ESR1: variants seen among roughly 807,000 people sequenced by gnomAD.
ESR1 encodes estrogen receptor 1.
A neutral mutation model predicts 52.7 loss-of-function variants in ESR1; 12 were observed. The observed-to-expected ratio is 0.23, with a 90% CI of 0.15 to 0.37. The LOEUF (loss-of-function observed/expected upper bound fraction) is 0.37. Ranked by LOEUF, ESR1 falls within the 10% of genes least tolerant of loss-of-function variation. ESR1 has a pLI of 1.00. For synonymous variants in ESR1, 305 were observed against 316.8 expected (o/e 0.96, Z 0.39); for missense variants, 584 against 779.7 (o/e 0.75, Z 2.99).
chr6:151,666,810 A>G (rs1162291641), intron 1 of ESR1, among the ~76,000 whole-genome samples: 3 of 148,450 alleles, frequency 2.0e-5, no homozygotes, highest in South Asian at 2.1e-4. Context: ...CACATGTTGG[A>G]GGACGAAGGT....
At chr6:151,682,868 A>G (rs1338717466) in intron 1 of ESR1, among the ~76,000 whole-genome samples, 1 of 152,264 alleles carries the variant, frequency 6.6e-6, no homozygotes, top group Non-Finnish European at 1.5e-5. Context: ...GAATGGGGTA[A>G]GAAAACCAGG....
intron 2 of ESR1, among the ~76,000 whole-genome samples, chr6:151,795,528 T>C (rs1776613449): frequency 1.3e-5 from 2 of 151,424 alleles, no homozygotes; most frequent in South Asian, 4.2e-4. Flanking sequence ...ATAGATTACT[T>C]GGCCTCAATC....
intron 4 of ESR1, among the ~76,000 whole-genome samples, chr6:151,947,088 C>T (rs577143810): frequency 1.2e-4 from 18 of 152,092 alleles, no homozygotes; most frequent in Admixed American, 2.6e-4. Context: ...GAGGCCGAGG[C>T]GGGTGGATCA....
intron 1 of ESR1, among the ~76,000 whole-genome samples, chr6:151,683,008 A>G (rs976942001): frequency 3.9e-5 from 6 of 152,198 alleles, no homozygotes; most frequent in Non-Finnish European, 7.3e-5. Flanking sequence ...TCATATTACT[A>G]TCCGGGTGAA....
chr6:151,880,838 A>G (rs1792781502), intron 3 of ESR1, 67 bp downstream of exon 3: 5 of 823,296 alleles, frequency 6.1e-6, no homozygotes, highest in Admixed American at 5.1e-5. Context: ...GGCTCTACCC[A>G]TTGGAATAAC....
intron 1 of ESR1, among the ~76,000 whole-genome samples, chr6:151,657,122 A>G (rs1777481468): frequency 6.6e-6 from 1 of 152,090 alleles, no homozygotes; most frequent in Non-Finnish European, 1.5e-5. Context: ...TGTTTGTTTT[A>G]GTTTTTTCTC....
At chr6:151,682,226 G>A (rs1446922649) in intron 1 of ESR1, among the ~76,000 whole-genome samples, 1 of 152,104 alleles carries the variant, frequency 6.6e-6, no homozygotes, top group Non-Finnish European at 1.5e-5. Context: ...TATTTCCTTT[G>A]CTTTCCTATA....
chr6:151,963,761 G>A (rs2037937799), intron 4 of ESR1, among the ~76,000 whole-genome samples: 1 of 152,146 alleles, frequency 6.6e-6, no homozygotes, highest in South Asian at 2.1e-4. Flanking sequence ...CCAGATCAAT[G>A]TCATGGAGCA....
rs180908630 is a variant in ESR1 at position 152,128,342 on chromosome 6, C to T, written c.*2994C>T. 13 of 152,270 alleles carry T rather than the reference C, an allele frequency of 8.5e-5. No homozygotes were observed. In the East Asian group the frequency reaches 1.7e-3, roughly 20 times the overall value. 9.4% of individuals were successfully genotyped at this position (152,270 alleles called of 1,614,324 possible). A position where few individuals can be genotyped will look rare whatever the true frequency, so the allele number is the denominator to read the frequency against. ...AGAAGTTCTAGGGAGCTCCCTGTAA[C>T]GATTTAGGGAATCTCTAGATTCTGA... is the stretch of plus-strand genomic sequence containing the variant. On this transcript the variant is annotated 3_prime_UTR_variant, in exon 7 of 7. Coordinates refer to the ESR1 transcript ENST00000427531.
chr6:151,686,244 A>AT (rs936950671), upstream of ESR1, among the ~76,000 whole-genome samples: 4 of 152,074 alleles, frequency 2.6e-5, no homozygotes, highest in Non-Finnish European at 5.9e-5. Flanking sequence ...TTTTATCCCT[A>AT]TAAGCTTGAA....
At chr6:152,013,735 T>C (rs948383368) in intron 5 of ESR1, among the ~76,000 whole-genome samples, 1 of 152,154 alleles carries the variant, frequency 6.6e-6, no homozygotes, top group Non-Finnish European at 1.5e-5. Context: ...TTTTCTTTCC[T>C]CTCTCACAGA....
At chr6:151,732,139 G>T (rs1782293196) in intron 2 of ESR1, among the ~76,000 whole-genome samples, 1 of 152,136 alleles carries the variant, frequency 6.6e-6, no homozygotes, top group African/African-American at 2.4e-5. Flanking sequence ...TTTTATAATA[G>T]AGTTTAAGAA....
chr6:152,012,928 A>C (rs1041493039), intron 5 of ESR1, among the ~76,000 whole-genome samples: 1 of 152,190 alleles, frequency 6.6e-6, no homozygotes, highest in African/African-American at 2.4e-5. Flanking sequence ...GTTGCAGCAA[A>C]ATTTATTTAA....
intron 5 of ESR1, among the ~76,000 whole-genome samples, chr6:152,051,833 T>C (rs976550110): frequency 3.9e-5 from 6 of 152,202 alleles, no homozygotes; most frequent in Non-Finnish European, 7.3e-5. Context: ...TTAAATTTTA[T>C]GTTTTAAAAA....
chr6:151,863,911 C>T (rs2128292992), intron 2 of ESR1, among the ~76,000 whole-genome samples: 1 of 152,222 alleles, frequency 6.6e-6, no homozygotes, highest in South Asian at 2.1e-4. Flanking sequence ...AAAATTAATT[C>T]AAGATGGATT....
chr6:151,934,591 T>C (rs1046337719), intron 3 of ESR1, among the ~76,000 whole-genome samples: 3 of 152,156 alleles, frequency 2.0e-5, no homozygotes, highest in Non-Finnish European at 4.4e-5. Flanking sequence ...TGAAGATGAT[T>C]TTGAGAGCTA....
intron 4 of ESR1, among the ~76,000 whole-genome samples, chr6:151,957,587 C>A (rs1235987236): frequency 6.6e-6 from 1 of 152,046 alleles, no homozygotes; most frequent in Non-Finnish European, 1.5e-5. Context: ...TTGACCCCTG[C>A]CAGTTTTCGG....
intron 2 of ESR1, among the ~76,000 whole-genome samples, chr6:151,727,663 T>A (rs1182540606): frequency 6.6e-6 from 1 of 152,110 alleles, no homozygotes; most frequent in Non-Finnish European, 1.5e-5. Flanking sequence ...CACCCAAATC[T>A]CATCTTGAAT....
chr6:151,689,241 C>T (rs531258316), upstream of ESR1, among the ~76,000 whole-genome samples: 6 of 152,206 alleles, frequency 3.9e-5, no homozygotes, highest in South Asian at 8.3e-4. Context: ...AAAAATATTT[C>T]GCTTTCAAAA....
Sources: gnomAD v4.1 joint callset for allele counts (sites outside exome capture counted in the v4.1 genomes callset) on GRCh38, gnomAD v4.1.1 for gene constraint, MANE v1.5 for transcripts, NCBI Gene and HGNC (gene_info 2026-07-23, HGNC 2026-07-21) for gene names.